Variants in CCDC141 observed in about 807,000 individuals in gnomAD.
CCDC141 encodes the protein coiled-coil domain-containing protein 141.
In CCDC141, 168 loss-of-function variants were observed where a neutral mutation model predicts 181.0. The ratio of observed to expected loss-of-function variants is 0.93; its 90% CI spans 0.82 to 1.05. The LOEUF is 1.05. Among genes scored for constraint, CCDC141 ranks in the 50% least tolerant of loss-of-function variants. CCDC141 has a pLI of 0.00. For missense variants in CCDC141, 1,902 were observed against 1,788.5 expected (o/e 1.06, Z -1.14); for synonymous variants, 666 against 642.3 (o/e 1.04, Z -0.56).
At chr2:178,860,731 C>A (rs1038231790) in intron 17 of CCDC141, among the ~76,000 whole-genome samples, 6 of 151,544 alleles carry the variant, frequency 4.0e-5, no homozygotes, top group African/African-American at 1.5e-4. Flanking sequence ...GGCAACCACT[C>A]CCTTGTCTTC....
intron 2 of CCDC141, among the ~76,000 whole-genome samples, chr2:178,981,641 T>TAC: frequency 1.2e-5 from 1 of 82,378 alleles, no homozygotes; most frequent in African/African-American, 3.6e-5. Context: ...TGTGTGTATA[T>TAC]ATATATATAT....
chr2:178,877,793 C>T, intron 12 of CCDC141, 171 bp downstream of exon 12: 1 of 678,898 alleles, frequency 1.5e-6, no homozygotes, highest in Non-Finnish European at 2.6e-6. Flanking sequence ...AGTTCTAGGC[C>T]AAGCAAGCAT....
intron 6 of CCDC141, among the ~76,000 whole-genome samples, chr2:178,938,088 C>T (rs1323992931): frequency 6.6e-6 from 1 of 151,918 alleles, no homozygotes; most frequent in Admixed American, 6.6e-5. Flanking sequence ...TGGGTTACTT[C>T]TTGTCTTTTG....
intron 2 of CCDC141, among the ~76,000 whole-genome samples, chr2:178,988,739 C>T (rs963519898): frequency 6.6e-6 from 1 of 152,082 alleles, no homozygotes; most frequent in Admixed American, 6.5e-5. Flanking sequence ...AGGACTCACA[C>T]TTCTAAACTT....
At chr2:179,013,600 A>G (rs1307057108) in intron 2 of CCDC141, among the ~76,000 whole-genome samples, 1 of 152,202 alleles carries the variant, frequency 6.6e-6, no homozygotes, top group Non-Finnish European at 1.5e-5. Flanking sequence ...TCTTTACAGA[A>G]TTAGAAAAAA....
At chr2:178,983,200 G>A (rs571619305) in intron 2 of CCDC141, among the ~76,000 whole-genome samples, 1 of 152,240 alleles carries the variant, frequency 6.6e-6, no homozygotes, top group East Asian at 1.9e-4. Flanking sequence ...CTCCAGCAGG[G>A]GCACACTGAC....
At chr2:178,991,756 A>G (rs1692066190) in intron 2 of CCDC141, among the ~76,000 whole-genome samples, 1 of 152,098 alleles carries the variant, frequency 6.6e-6, no homozygotes, top group Admixed American at 6.5e-5. Flanking sequence ...TCATCATTAT[A>G]CAGTGTAGAA....
chr2:178,903,817 G>A (rs1687828494), intron 8 of CCDC141, among the ~76,000 whole-genome samples: 2 of 151,268 alleles, frequency 1.3e-5, no homozygotes, highest in South Asian at 4.2e-4. Flanking sequence ...CAGGGAACAT[G>A]CCGCAAGCAA....
chr2:178,873,585 T>G (rs1330421034), intron 12 of CCDC141: 1 of 152,206 alleles, frequency 6.6e-6, no homozygotes, highest in Non-Finnish European at 1.5e-5. Context: ...GATATGGTGG[T>G]CTGAGTGAGG....
At chr2:178,890,531 G>C (rs140472548) in intron 8 of CCDC141, among the ~76,000 whole-genome samples, 3 of 152,208 alleles carry the variant, frequency 2.0e-5, no homozygotes, top group Admixed American at 6.5e-5. Context: ...GAATAAGACT[G>C]TTAGCCAGCT....
At chr2:178,938,371 C>T (rs1467226656) in intron 6 of CCDC141, among the ~76,000 whole-genome samples, 1 of 152,068 alleles carries the variant, frequency 6.6e-6, no homozygotes, top group East Asian at 1.9e-4. Flanking sequence ...CACTCAGGAG[C>T]ATGTTGTTTA....
chr2:178,834,192 T>C lies in CCDC141; in HGVS notation c.4574A>G (p.Tyr1525Cys), dbSNP rs1282540098. The change falls in exon 24 of 24, where the codon TAC (tyrosine) becomes TGC (cysteine). Residue 1525 changes from tyrosine to cysteine, a missense_variant. Tyr to Cys is a radical substitution (Grantham distance 194). Coordinates refer to ENST00000443758, the MANE Select transcript of CCDC141 (RefSeq NM_173648.4). ...CCACAGTTATTGTGTGAGGAGCCAG[T>C]ACATTAGGGACACACTAACATAGAC... ...CVVYVSVSLMYWLLTQ is the reference protein window; with the variant it reads ...CVVYVSVSLMCWLLTQ 1.3e-6 allele frequency: 2 copies of C among 1,536,078 alleles called. No individual in the cohort carries two copies. The highest frequency in any genetic ancestry group is 1.7e-6 in the Non-Finnish European group (2 of 1,146,790).
In CCDC141 at chr2:178,832,465, C is replaced by CAAAAAAAAAAAAAAAAAAAAAA. The variant is rs59389117; in HGVS notation, c.*1707_*1708insTTTTTTTTTTTTTTTTTTTTTT. ...TGGGCAAGAGAGCAAGACTCTTTCT[C>CAAAAAAAAAAAAAAAAAAAAAA]AAAAAAAAAAAAAAAAAACAAAAAA... On this transcript the variant is annotated 3_prime_UTR_variant, in exon 24 of 24. Transcript: ENST00000443758. 1.4e-5 allele frequency: 1 copy of CAAAAAAAAAAAAAAAAAAAAAA among 68,982 alleles called. No individual in the cohort carries two copies. Among genetic ancestry groups the CAAAAAAAAAAAAAAAAAAAAAA allele is most frequent in the Non-Finnish European group, 2.9e-5 (1 of 33,962 alleles). The allele number at this position is 68,982 out of a possible 1,614,324, so 4.3% of individuals were successfully genotyped here.
At chr2:178,991,918 G>A (rs1413979144) in intron 2 of CCDC141, among the ~76,000 whole-genome samples, 3 of 151,784 alleles carry the variant, frequency 2.0e-5, no homozygotes, top group Admixed American at 6.6e-5. Flanking sequence ...AAACAAAAAC[G>A]GGGATAAAAT....
the CCDC141 span, among the ~76,000 whole-genome samples, chr2:178,823,262 CA>C: frequency 6.6e-6 from 1 of 152,022 alleles, no homozygotes; most frequent in South Asian, 2.1e-4. Context: ...CCTCTATCTG[CA>C]AAAGTTTGAA....
chr2:178,951,191 C>T (rs182260201), intron 5 of CCDC141, among the ~76,000 whole-genome samples: 1 of 152,292 alleles, frequency 6.6e-6, no homozygotes, highest in Admixed American at 6.5e-5. Flanking sequence ...CAATGTGTAT[C>T]CCTGCCAAAG....
Position 178,899,014 on chromosome 2 carries a change from T to A in CCDC141, c.1265+6315A>T, listed in dbSNP as rs1273305493. On this transcript the variant is annotated intron_variant, in intron 8 of 23. Coordinates refer to ENST00000443758, the MANE Select transcript of CCDC141 (RefSeq NM_173648.4). ...AACCATATTACCCTCAGTATTTTTT[T>A]AAGCTCTTTATATAGAAAGTAAAAA... 2.6e-5 allele frequency among the ~76,000 whole-genome samples: 4 copies of A among 152,238 alleles called. No individual in the cohort carries two copies. In the East Asian group the frequency reaches 5.8e-4, roughly 22 times the overall value.
chr2:178,972,850 G>A (rs1690959305), intron 4 of CCDC141, among the ~76,000 whole-genome samples: 1 of 152,158 alleles, frequency 6.6e-6, no homozygotes, highest in Non-Finnish European at 1.5e-5. Flanking sequence ...AACTTCCGTA[G>A]TGTTAAAGAA....
At chr2:179,012,475 T>C (rs2042297535) in intron 2 of CCDC141, among the ~76,000 whole-genome samples, 1 of 152,038 alleles carries the variant, frequency 6.6e-6, no homozygotes, top group African/African-American at 2.4e-5. Flanking sequence ...GAAATGGTAA[T>C]TTAAAAATTA....
Sources: gnomAD v4.1 joint callset for allele counts (sites outside exome capture counted in the v4.1 genomes callset) on GRCh38, gnomAD v4.1.1 for gene constraint, MANE v1.5 for transcripts, NCBI Gene and HGNC (gene_info 2026-07-23, HGNC 2026-07-21) for gene names.